Variants in SEMA4F observed in about 807,000 individuals in gnomAD.
SEMA4F encodes the protein semaphorin-4F.
A neutral mutation model predicts 78.4 loss-of-function variants in SEMA4F; 51 were observed. The observed-to-expected ratio is 0.65, with a 90% CI of 0.52 to 0.82. The LOEUF is 0.82. Among genes scored for constraint, SEMA4F ranks in the 40% least tolerant of loss-of-function variants. SEMA4F has a pLI of 0.00. For synonymous variants in SEMA4F, 418 were observed against 408.7 expected (o/e 1.02, Z -0.27); for missense variants, 938 against 1,014.4 (o/e 0.92, Z 1.02).
downstream of SEMA4F, among the ~76,000 whole-genome samples, chr2:74,685,008 C>G (rs977989117): frequency 6.6e-6 from 1 of 152,192 alleles, no homozygotes; most frequent in African/African-American, 2.4e-5. Context: ...GCCTCAGACC[C>G]TTTTGCTAGG....
At position 74,675,572 on chromosome 2, in the gene SEMA4F, G is replaced by A. The variant is rs1217326311; in HGVS notation, c.1420G>A (p.Val474Ile). ...AGTGCGGATCGGAGCTCAGCTCAGCGTTCTTGAAGATCTGGCCTTATTCCC... is the reference window on the plus strand; with the variant it reads ...AGTGCGGATCGGAGCTCAGCTCAGCATTCTTGAAGATCTGGCCTTATTCCC... ...RAVRIGAQLSVLEDLALFPEP... is the reference protein window; with the variant it reads ...RAVRIGAQLSILEDLALFPEP... Residue 474 changes from valine to isoleucine, a missense_variant, in exon 11 of 14, where the codon GTT (valine) becomes ATT (isoleucine). Physicochemically the swap from Val to Ile is conservative, Grantham distance 29 (BLOSUM62 3). Transcript: ENST00000357877. 9.3e-6 allele frequency: 15 copies of A among 1,614,044 alleles called. No homozygotes were observed. In the African/African-American group the frequency reaches 9.3e-5, roughly 10 times the overall value.
the SEMA4F span, among the ~76,000 whole-genome samples, chr2:74,697,724 T>C: frequency 6.6e-6 from 1 of 152,158 alleles, no homozygotes; most frequent in African/African-American, 2.4e-5. Context: ...AGAAACAATC[T>C]TTAGTTCAAC....
chr2:74,670,299 G>A (rs1684919880), intron 5 of SEMA4F, among the ~76,000 whole-genome samples: 1 of 152,146 alleles, frequency 6.6e-6, no homozygotes, highest in African/African-American at 2.4e-5. Context: ...GTGTGTACGT[G>A]TATATCTGTC....
chr2:74,666,292 T>A (rs1225022234), intron 5 of SEMA4F, among the ~76,000 whole-genome samples: 3 of 152,220 alleles, frequency 2.0e-5, no homozygotes, highest in Non-Finnish European at 2.9e-5. Context: ...TAGAATGTGG[T>A]TTAAGAATAC....
chr2:74,684,117 G>A (rs1223130862), downstream of SEMA4F, among the ~76,000 whole-genome samples: 1 of 148,104 alleles, frequency 6.8e-6, no homozygotes, highest in Non-Finnish European at 1.5e-5. Flanking sequence ...ACCAGACAAA[G>A]CCTATGGTTT....
chr2:74,702,451 A>G, the SEMA4F span, among the ~76,000 whole-genome samples: 3 of 152,184 alleles, frequency 2.0e-5, no homozygotes, highest in Non-Finnish European at 4.4e-5. Context: ...TTTTTCTTCC[A>G]TAAACTTACT....
the SEMA4F span, among the ~76,000 whole-genome samples, chr2:74,697,771 T>G: frequency 6.6e-6 from 1 of 152,172 alleles, no homozygotes. Flanking sequence ...TGATGTTCCT[T>G]TGGGCCAGGG....
chr2:74,680,465 T>C lies in SEMA4F; in HGVS notation c.*256T>C. The C allele has an allele frequency of 7.3e-6, 3 of 411,274 alleles. No homozygotes were observed. The highest frequency in any genetic ancestry group is 1.3e-5 in the Non-Finnish European group (3 of 232,162). 25.5% of individuals were successfully genotyped at this position (411,274 alleles called of 1,614,324 possible). A position where few individuals can be genotyped will look rare whatever the true frequency, so the allele number is the denominator to read the frequency against. On this transcript the variant is annotated 3_prime_UTR_variant, in exon 14 of 14. Transcript: ENST00000357877. ...CAGGGCTTCCCCCTAACATCTGAAC[T>C]CCTGTAAACCTTCATCCCTGGCCCC...
Position 74,681,734 on chromosome 2 carries a change from AG to A in SEMA4F, c.*1526del, listed in dbSNP as rs1277528306. The stretch of plus-strand genomic sequence containing the variant: ...ACATGGCTCTAGGCTTCTCCTGCTG[AG>A]TCCTGGTCTTGGCCTGTGAATGTGC... On this transcript the variant is annotated 3_prime_UTR_variant, in exon 14 of 14. Coordinates refer to ENST00000357877, the MANE Select transcript of SEMA4F (RefSeq NM_004263.5). 1.3e-5 allele frequency: 2 copies of A among 152,906 alleles called. No individual in the cohort carries two copies. The highest frequency in any genetic ancestry group is 2.9e-5 in the Non-Finnish European group (2 of 68,144). The allele number at this position is 152,906 out of a possible 1,614,324, so 9.5% of individuals were successfully genotyped here.
chr2:74,688,900 GT>G, the SEMA4F span, among the ~76,000 whole-genome samples: 1 of 152,298 alleles, frequency 6.6e-6, no homozygotes, highest in African/African-American at 2.4e-5. Flanking sequence ...ATTGGGGGGT[GT>G]TCATTAAATA....
chr2:74,694,230 A>G, the SEMA4F span, among the ~76,000 whole-genome samples: 3 of 151,452 alleles, frequency 2.0e-5, no homozygotes, highest in Admixed American at 1.3e-4. Flanking sequence ...AGCGATTCAC[A>G]TCCTTCAGTC....
chr2:74,686,267 T>C (rs1417644418), downstream of SEMA4F, among the ~76,000 whole-genome samples: 1 of 152,032 alleles, frequency 6.6e-6, no homozygotes, highest in East Asian at 1.9e-4. Context: ...GCCCGGCTAA[T>C]TTTTTGTATT....
chr2:74,654,321 G>T lies in SEMA4F; in HGVS notation c.-56G>T. 2 of 1,391,798 alleles carry T rather than the reference G, an allele frequency of 1.4e-6. No homozygotes were observed. Among genetic ancestry groups the T allele is most frequent in the Non-Finnish European group, 1.9e-6 (2 of 1,079,168 alleles). The allele number at this position is 1,391,798 out of a possible 1,614,324, so 86.2% of individuals were successfully genotyped here. On this transcript the variant is annotated 5_prime_UTR_variant, in exon 1 of 14. Transcript: ENST00000357877. Reference sequence around the variant, plus strand: ...AGTGGGGCCGAGGCCAGTAGCCCCGGGGCCCTGAGCAGAGGCCGTAGCTTG... The same window carrying T: ...AGTGGGGCCGAGGCCAGTAGCCCCGTGGCCCTGAGCAGAGGCCGTAGCTTG...
chr2:74,684,986 C>T (rs1685786513), downstream of SEMA4F, among the ~76,000 whole-genome samples: 1 of 152,156 alleles, frequency 6.6e-6, no homozygotes, highest in Non-Finnish European at 1.5e-5. Flanking sequence ...AAAAACAAAA[C>T]CAAAAATTAT....
At chr2:74,690,593 G>T in the SEMA4F span, among the ~76,000 whole-genome samples, 1 of 152,120 alleles carries the variant, frequency 6.6e-6, no homozygotes, top group African/African-American at 2.4e-5. Context: ...AAAAACAACA[G>T]TTATTTTTAA....
chr2:74,667,776 TA>T (rs1024254193), intron 5 of SEMA4F, among the ~76,000 whole-genome samples: 2 of 152,196 alleles, frequency 1.3e-5, no homozygotes, highest in African/African-American at 4.8e-5. Context: ...TGCTCATTCT[TA>T]AATGTTGGAG....
chr2:74,682,902 C>T lies in SEMA4F; in HGVS notation c.*2693C>T, dbSNP rs1450041426. 1 of 152,264 alleles carries T rather than the reference C, an allele frequency of 6.6e-6. No individual in the cohort carries two copies. The highest frequency in any genetic ancestry group is 6.5e-5 in the Admixed American group (1 of 15,280). 9.4% of individuals were successfully genotyped at this position (152,264 alleles called of 1,614,324 possible). ...TTTACCCCAAAGCCTGCTGAAATTA[C>T]TCAAACTAGCCAATCCTAAGTCTGC... On this transcript the variant is annotated 3_prime_UTR_variant, in exon 14 of 14. Coordinates refer to ENST00000357877, the MANE Select transcript of SEMA4F (RefSeq NM_004263.5).
Position 74,680,303 on chromosome 2 carries a change from C to A in SEMA4F, c.*94C>A, listed in dbSNP as rs181173322. ...CACTGGGCCTGGAAGACCATCCCAG[C>A]CTCTGAGTTCTCTTTGAGTATGAGT... On this transcript the variant is annotated 3_prime_UTR_variant, in exon 14 of 14. Coordinates refer to ENST00000357877, the MANE Select transcript of SEMA4F (RefSeq NM_004263.5). 6.2e-4 allele frequency: 867 copies of A among 1,387,214 alleles called. 4 individuals are homozygous for A. The highest frequency in any genetic ancestry group is 3.9e-4 in the Non-Finnish European group (394 of 1,023,228). The allele number at this position is 1,387,214 out of a possible 1,614,324, so 85.9% of individuals were successfully genotyped here.
chr2:74,675,124 C>T (rs777267713), intron 9 of SEMA4F, 38 bp from the exon 10 acceptor site: 1 of 1,613,606 alleles, frequency 6.2e-7, no homozygotes, highest in South Asian at 1.1e-5. Flanking sequence ...ATGTCCTGTT[C>T]CTGGGAAACT....
Sources: gnomAD v4.1 joint callset for allele counts (sites outside exome capture counted in the v4.1 genomes callset) on GRCh38, gnomAD v4.1.1 for gene constraint, MANE v1.5 for transcripts, NCBI Gene and HGNC (gene_info 2026-07-23, HGNC 2026-07-21) for gene names.